Variants in RNF10 observed in about 807,000 individuals in gnomAD.
The protein encoded by RNF10 is ring finger protein 10.
In RNF10, 38 loss-of-function variants were observed where a neutral mutation model predicts 91.4. That is an observed-to-expected ratio of 0.42 (90% confidence interval 0.32 to 0.54). RNF10 has a LOEUF of 0.54. Ranked by LOEUF, RNF10 falls within the 20% of genes least tolerant of loss-of-function variation. The pLI is 0.16. For missense variants in RNF10, 945 were observed against 1,012.0 expected (o/e 0.93, Z 0.90); for synonymous variants, 364 against 366.3 (o/e 0.99, Z 0.07).
rs775907906 is a variant in RNF10 at position 120,534,776 on chromosome 12, C to T, written c.-36C>T. 7 of 1,536,136 alleles carry T rather than the reference C, an allele frequency of 4.6e-6. No individual in the cohort carries two copies. Among genetic ancestry groups the T allele is most frequent in the South Asian group, 1.2e-5 (1 of 83,896 alleles). ...AGCCTGGGTCCCCGCCGCGCCCGCTCCGCTCCGACTGCCGTCGCCGCCGAG... is the reference window on the plus strand; with the variant it reads ...AGCCTGGGTCCCCGCCGCGCCCGCTTCGCTCCGACTGCCGTCGCCGCCGAG... On this transcript the variant is annotated 5_prime_UTR_variant, in exon 1 of 17. Coordinates refer to ENST00000325954, the MANE Select transcript of RNF10 (RefSeq NM_014868.5).
intron 1 of RNF10, among the ~76,000 whole-genome samples, 195 bp from the exon 2 acceptor site, chr12:120,546,210 G>T (rs531841176): frequency 2.6e-5 from 4 of 152,070 alleles, no homozygotes; most frequent in Non-Finnish European, 5.9e-5. Context: ...GACCCGTTAG[G>T]CTTCATTATT....
intron 4 of RNF10, among the ~76,000 whole-genome samples, chr12:120,556,891 G>T (rs1270557626): frequency 6.6e-6 from 1 of 151,826 alleles, no homozygotes; most frequent in Non-Finnish European, 1.5e-5. Flanking sequence ...GGTGGCTCAC[G>T]CCGGTAATTC....
At chr12:120,535,994 T>C (rs1177510770) in intron 1 of RNF10, among the ~76,000 whole-genome samples, 1 of 152,212 alleles carries the variant, frequency 6.6e-6, no homozygotes, top group Non-Finnish European at 1.5e-5. Context: ...CTCTGCTCTC[T>C]TTTGTATTTC....
chr12:120,560,994 G>T, intron 7 of RNF10, 108 bp downstream of exon 7: 6 of 1,127,156 alleles, frequency 5.3e-6, no homozygotes, highest in Middle Eastern at 2.9e-4. Flanking sequence ...GATGATGGAC[G>T]CTGGGGATTA....
chr12:120,534,679 A>G lies in RNF10; in HGVS notation c.-133A>G. 7.2e-7 allele frequency: 1 copy of G among 1,380,040 alleles called. No homozygotes were observed. Among genetic ancestry groups the G allele is most frequent in the Non-Finnish European group, 9.3e-7 (1 of 1,076,394 alleles). The allele number at this position is 1,380,040 out of a possible 1,614,324, so 85.5% of individuals were successfully genotyped here. On this transcript the variant is annotated 5_prime_UTR_variant, in exon 1 of 17. Transcript: ENST00000325954. The stretch of plus-strand genomic sequence containing the variant: ...CTAGTTTGAGAAGCCAAGGAAGGAA[A>G]CAGGGAAAAATGTCGCCATGAAGGC...
At chr12:120,576,546 G>T (rs1448643771) in intron 16 of RNF10, 44 bp from the exon 17 acceptor site, 1 of 1,603,528 alleles carries the variant, frequency 6.2e-7, no homozygotes, top group Admixed American at 1.7e-5. Flanking sequence ...AGGGGACAAG[G>T]GATGGCATTT....
At chr12:120,537,961 A>G (rs1871077591) in intron 1 of RNF10, among the ~76,000 whole-genome samples, 1 of 152,190 alleles carries the variant, frequency 6.6e-6, no homozygotes, top group African/African-American at 2.4e-5. Flanking sequence ...GACCAGTGCT[A>G]CTACAGCAGA....
intron 4 of RNF10, among the ~76,000 whole-genome samples, chr12:120,555,836 T>C (rs140501925): frequency 0.02 from 2,944 of 150,932 alleles, 102 homozygotes; most frequent in African/African-American, 0.068. Flanking sequence ...TCGCCCCAGC[T>C]GGAGTGCAGT....
chr12:120,541,781 G>A (rs1271856393), intron 1 of RNF10, among the ~76,000 whole-genome samples: 12 of 151,042 alleles, frequency 7.9e-5, no homozygotes, highest in Non-Finnish European at 1.5e-4. Context: ...AGGCTGGCAT[G>A]CAGTGGTGCA....
At chr12:120,569,908 T>C (rs1361785258) in intron 13 of RNF10, among the ~76,000 whole-genome samples, 1 of 152,076 alleles carries the variant, frequency 6.6e-6, no homozygotes, top group Non-Finnish European at 1.5e-5. Flanking sequence ...TTGTTTTGTT[T>C]TGGATGGAGT....
At position 120,557,361 on chromosome 12, in the gene RNF10, A is replaced by G; in HGVS notation, c.725A>G (p.His242Arg). 6.2e-7 allele frequency: 1 copy of G among 1,614,178 alleles called. No homozygotes were observed. The highest frequency in any genetic ancestry group is 8.5e-7 in the Non-Finnish European group (1 of 1,180,044). Residue 242 changes from histidine (H) to arginine (R), a missense_variant, in exon 5 of 17, where the codon CAC (histidine) becomes CGC (arginine). Transcript: ENST00000325954. ...PTAAKITRCG[H>R]IFCWACILHY... ...GCAGCCAAGATAACCCGTTGTGGAC[A>G]CATCTTCTGCTGGGCATGCATCCTG...
chr12:120,560,182 G>A (rs1167929675), intron 6 of RNF10, among the ~76,000 whole-genome samples: 3 of 136,822 alleles, frequency 2.2e-5, no homozygotes, highest in African/African-American at 8.1e-5. Flanking sequence ...ACAGAGTTTC[G>A]CTTTTGTTGC....
chr12:120,558,100 C>T (rs1489461943), intron 6 of RNF10, among the ~76,000 whole-genome samples: 1 of 152,022 alleles, frequency 6.6e-6, no homozygotes, highest in Non-Finnish European at 1.5e-5. Flanking sequence ...CAGAAATGAG[C>T]ATTTGATTAA....
chr12:120,556,532 A>C (rs1874047493), intron 4 of RNF10, among the ~76,000 whole-genome samples: 1 of 110,702 alleles, frequency 9.0e-6, no homozygotes, highest in Non-Finnish European at 1.9e-5. Context: ...CTCCGTCTCA[A>C]AAAAAAAAAA....
chr12:120,564,240 T>C (rs1424324226), intron 10 of RNF10, among the ~76,000 whole-genome samples: 3 of 152,194 alleles, frequency 2.0e-5, no homozygotes, highest in African/African-American at 7.2e-5. Context: ...TTATCCTCCT[T>C]ATTGCTTGGG....
intron 6 of RNF10, among the ~76,000 whole-genome samples, chr12:120,558,270 GTT>G (rs1267872659): frequency 6.6e-6 from 1 of 151,956 alleles, no homozygotes; most frequent in Admixed American, 6.6e-5. Flanking sequence ...AAATCCAAAA[GTT>G]TTAACCTTTT....
rs147768290 is a variant in RNF10 at position 120,575,896 on chromosome 12, A to G, written c.2305A>G (p.Ile769Val). The G allele has an allele frequency of 3.1e-6, 5 of 1,614,160 alleles. No individual in the cohort carries two copies. Among genetic ancestry groups the G allele is most frequent in the Non-Finnish European group, 3.4e-6 (4 of 1,180,032 alleles). ...TTTTCAAAATTCCTTCAGCCAAGCT[A>G]TTGAAGCAGCCTTCATGAAACTGGA... Reference protein sequence around the residue: ...PSFQNSFSQAIEAAFMKLDTP... With the variant: ...PSFQNSFSQAVEAAFMKLDTP... The change falls in exon 16 of 17, where the codon ATT becomes GTT. Residue 769 changes from isoleucine (I) to valine (V), a missense_variant. By Grantham distance (29) the Ile-to-Val change is conservative (BLOSUM62 3). Transcript: ENST00000325954.
chr12:120,539,704 G>C (rs1871290301), intron 1 of RNF10, among the ~76,000 whole-genome samples: 1 of 151,984 alleles, frequency 6.6e-6, no homozygotes, highest in African/African-American at 2.4e-5. Flanking sequence ...TGAGAAGCTG[G>C]GTTAAGTTTT....
chr12:120,546,625 T>C (rs201209630), intron 2 of RNF10, 24 bp downstream of exon 2: 2 of 1,601,404 alleles, frequency 1.2e-6, no homozygotes, highest in East Asian at 4.5e-5. Flanking sequence ...GAATGTCCTT[T>C]CTAGAGCATA....
Sources: allele counts gnomAD v4.1 joint callset (sites outside exome capture counted in the v4.1 genomes callset), GRCh38; gene constraint gnomAD v4.1.1; transcripts MANE v1.5; gene names NCBI Gene and HGNC (gene_info 2026-07-23, HGNC 2026-07-21).